Variants in LRRC7 observed in about 807,000 individuals in gnomAD.
LRRC7 encodes the protein leucine-rich repeat-containing protein 7.
Under a neutral mutation model 175.7 loss-of-function variants are expected in LRRC7, and 23 were observed. That is an observed-to-expected ratio of 0.13 (90% CI 0.09 to 0.19). The LOEUF is 0.19. LRRC7 is among the 10% of genes least tolerant of loss of function. The pLI is 1.00. For missense variants in LRRC7, 1,354 were observed against 1,904.7 expected (o/e 0.71, Z 5.38); for synonymous variants, 685 against 680.9 (o/e 1.01, Z -0.09).
intron 1 of LRRC7, among the ~76,000 whole-genome samples, chr1:69,606,406 A>G (rs964494288): frequency 2.6e-5 from 4 of 152,106 alleles, no homozygotes; most frequent in African/African-American, 9.7e-5. Flanking sequence ...TTGCTCAAAT[A>G]TCATAATAAA....
At chr1:69,917,132 TTAAGA>T (rs1646743972) in intron 7 of LRRC7, among the ~76,000 whole-genome samples, 1 of 152,310 alleles carries the variant, frequency 6.6e-6, no homozygotes, top group South Asian at 2.1e-4. Context: ...AACTTTCTCC[TTAAGA>T]TAACTGAGTT....
At chr1:69,592,423 G>A (rs561501097) in intron 1 of LRRC7, among the ~76,000 whole-genome samples, 4 of 151,878 alleles carry the variant, frequency 2.6e-5, no homozygotes, top group East Asian at 1.9e-4. Context: ...TTTTTTACTC[G>A]AAAAAAGCTG....
chr1:69,898,425 CTG>C (rs2101660488), intron 7 of LRRC7, among the ~76,000 whole-genome samples: 1 of 152,314 alleles, frequency 6.6e-6, no homozygotes, highest in South Asian at 2.1e-4. Context: ...CAATAACTAA[CTG>C]TGATTTTAGC....
chr1:69,572,091 A>G (rs986930101), intron 1 of LRRC7, among the ~76,000 whole-genome samples: 1 of 152,132 alleles, frequency 6.6e-6, no homozygotes, highest in African/African-American at 2.4e-5. Flanking sequence ...AATCTGTGAC[A>G]TATAACAGAC....
At chr1:69,848,005 C>A (rs189068268) in intron 7 of LRRC7, among the ~76,000 whole-genome samples, 175 of 152,146 alleles carry the variant, frequency 1.2e-3, no homozygotes, top group Middle Eastern at 6.8e-3. Context: ...TACAATGCAC[C>A]TTTATATCTC....
At chr1:69,981,154 G>A (rs372845832) in intron 9 of LRRC7, among the ~76,000 whole-genome samples, 6 of 152,060 alleles carry the variant, frequency 3.9e-5, no homozygotes, top group African/African-American at 9.7e-5. Context: ...GCGAGAGAGC[G>A]CAAACACAAG....
chr1:69,959,343 A>G (rs1364083171), intron 8 of LRRC7, among the ~76,000 whole-genome samples: 1 of 152,064 alleles, frequency 6.6e-6, no homozygotes, highest in African/African-American at 2.4e-5. Flanking sequence ...AAGGAAGGAA[A>G]GATAGGTAAA....
chr1:70,023,660 G>A (rs945967688), intron 17 of LRRC7, among the ~76,000 whole-genome samples: 2 of 151,924 alleles, frequency 1.3e-5, no homozygotes, highest in Non-Finnish European at 2.9e-5. Flanking sequence ...AATTTAAAGT[G>A]TGGGAATACC....
At chr1:69,896,925 C>A (rs918603877) in intron 7 of LRRC7, among the ~76,000 whole-genome samples, 5 of 152,102 alleles carry the variant, frequency 3.3e-5, no homozygotes, top group Non-Finnish European at 7.4e-5. Context: ...TATTTGACTT[C>A]TACTAGAGCC....
At chr1:70,055,074 T>C (rs1281322580) in intron 23 of LRRC7, among the ~76,000 whole-genome samples, 2 of 152,206 alleles carry the variant, frequency 1.3e-5, no homozygotes, top group Non-Finnish European at 2.9e-5. Flanking sequence ...ATGCCACTGA[T>C]TTACAGGCAT....
intron 7 of LRRC7, among the ~76,000 whole-genome samples, chr1:69,857,107 T>C (rs1485825642): frequency 2.0e-5 from 3 of 152,048 alleles, no homozygotes; most frequent in Non-Finnish European, 4.4e-5. Context: ...ATTGATGGGA[T>C]ATATCTCAAA....
At chr1:69,686,753 C>A (rs1661199871) in intron 2 of LRRC7, among the ~76,000 whole-genome samples, 1 of 151,848 alleles carries the variant, frequency 6.6e-6, no homozygotes, top group African/African-American at 2.4e-5. Context: ...AGTCCTAATA[C>A]ATCAATAATT....
intron 1 of LRRC7, among the ~76,000 whole-genome samples, chr1:69,666,924 T>C (rs570205271): frequency 4.8e-4 from 73 of 152,234 alleles, no homozygotes; most frequent in African/African-American, 1.7e-3. Context: ...AGTTTTTCTT[T>C]TGTGATGTAG....
At chr1:69,606,222 A>G (rs1054034878) in intron 1 of LRRC7, among the ~76,000 whole-genome samples, 4 of 152,098 alleles carry the variant, frequency 2.6e-5, no homozygotes, top group African/African-American at 9.7e-5. Flanking sequence ...GAGGCATCAC[A>G]CTGAACAGCA....
chr1:70,118,794 G>T (rs1344862903), intron 26 of LRRC7, among the ~76,000 whole-genome samples: 1 of 152,050 alleles, frequency 6.6e-6, no homozygotes, highest in Non-Finnish European at 1.5e-5. Flanking sequence ...TGAACAATGG[G>T]GGGTGGGAAG....
At chr1:70,004,695 T>A (rs1369684522) in intron 11 of LRRC7, among the ~76,000 whole-genome samples, 1 of 151,856 alleles carries the variant, frequency 6.6e-6, no homozygotes, top group Non-Finnish European at 1.5e-5. Context: ...AGCTCACCTT[T>A]GCCAAACAAA....
chr1:69,913,614 C>T (rs189810879), intron 7 of LRRC7, among the ~76,000 whole-genome samples: 10 of 152,022 alleles, frequency 6.6e-5, no homozygotes, highest in African/African-American at 2.4e-4. Flanking sequence ...CGGGTTCAAG[C>T]GATTCTCCTG....
At chr1:69,635,870 C>T (rs1653272434) in intron 1 of LRRC7, among the ~76,000 whole-genome samples, 1 of 151,748 alleles carries the variant, frequency 6.6e-6, no homozygotes, top group African/African-American at 2.4e-5. Flanking sequence ...TGGCATGAAT[C>T]ATAGAAAATC....
chr1:69,887,908 G>T (rs1039231892), intron 7 of LRRC7, among the ~76,000 whole-genome samples: 45 of 146,718 alleles, frequency 3.1e-4, no homozygotes, highest in Middle Eastern at 6.8e-3. Flanking sequence ...CTGCTGGGGG[G>T]TGCCTCTCAG....
Sources: gnomAD v4.1 joint callset for allele counts (sites outside exome capture counted in the v4.1 genomes callset) on GRCh38, gnomAD v4.1.1 for gene constraint, MANE v1.5 for transcripts, NCBI Gene and HGNC (gene_info 2026-07-23, HGNC 2026-07-21) for gene names.